Variants in FUT9 observed in about 807,000 individuals in gnomAD.
FUT9 encodes 4-galactosyl-N-acetylglucosaminide 3-alpha-L-fucosyltransferase 9.
In FUT9, 15 loss-of-function variants were observed where a neutral mutation model predicts 29.7. The observed-to-expected ratio is 0.51, with a 90% CI of 0.34 to 0.78. FUT9 has a LOEUF of 0.78. Ranked by LOEUF, FUT9 falls within the 30% of genes least tolerant of loss-of-function variation. FUT9 has a pLI of 0.01. For synonymous variants in FUT9, 169 were observed against 153.7 expected (o/e 1.10, Z -0.74); for missense variants, 319 against 425.4 (o/e 0.75, Z 2.20).
intron 1 of FUT9, among the ~76,000 whole-genome samples, chr6:96,106,531 A>G (rs1771689474): frequency 1.3e-5 from 2 of 152,112 alleles, no homozygotes; most frequent in Non-Finnish European, 2.9e-5. Flanking sequence ...ACTGTTATAC[A>G]ATCTTTGGCT....
In FUT9 at chr6:96,213,662, T is replaced by G. The variant is rs1193288837; in HGVS notation, c.*9427T>G. 1 of 166,884 alleles carries G rather than the reference T, an allele frequency of 6.0e-6. No homozygotes were observed. The highest frequency in any genetic ancestry group is 1.9e-4 in the East Asian group (1 of 5,204). The allele number at this position is 166,884 out of a possible 1,614,324, so 10.3% of individuals were successfully genotyped here. On this transcript the variant is annotated 3_prime_UTR_variant, in exon 3 of 3. Coordinates refer to ENST00000302103, the MANE Select transcript of FUT9 (RefSeq NM_006581.4). ...TATTGCGATGCAGACCCAATAGGGT[T>G]ATTTTAAGCACACTAATTAGTCATC...
chr6:96,107,970 G>A (rs183613439), intron 1 of FUT9, among the ~76,000 whole-genome samples: 297 of 148,822 alleles, frequency 2.0e-3, no homozygotes, highest in African/African-American at 6.4e-3. Context: ...AATCATGCAC[G>A]TCTCTCATGG....
At chr6:96,101,222 G>A (rs991654797) in intron 1 of FUT9, among the ~76,000 whole-genome samples, 1 of 152,146 alleles carries the variant, frequency 6.6e-6, no homozygotes, top group Non-Finnish European at 1.5e-5. Flanking sequence ...CAAGAATAAT[G>A]TTTGAGGGAA....
intron 2 of FUT9, among the ~76,000 whole-genome samples, chr6:96,155,925 C>T (rs1156288920): frequency 1.3e-5 from 2 of 152,134 alleles, no homozygotes; most frequent in Non-Finnish European, 2.9e-5. Context: ...TATGGCATCC[C>T]TAGCAAACTA....
In FUT9 at chr6:96,101,930, T is replaced by C. The variant is rs550272970; in HGVS notation, c.-97-12109T>C. 3.9e-5 allele frequency among the ~76,000 whole-genome samples: 6 copies of C among 152,238 alleles called. No individual in the cohort carries two copies. In the East Asian group the frequency reaches 1.2e-3, roughly 29 times the overall value. ...GAATTTATATCATTTTATCCTATGA[T>C]TATTAGAATATGTTTATATATGAAG... is the stretch of plus-strand genomic sequence containing the variant. On this transcript the variant is annotated intron_variant, in intron 1 of 2. Coordinates refer to ENST00000302103, the MANE Select transcript of FUT9 (RefSeq NM_006581.4).
intron 1 of FUT9, among the ~76,000 whole-genome samples, chr6:96,030,621 C>G (rs1770245342): frequency 6.6e-6 from 1 of 151,476 alleles, no homozygotes; most frequent in Non-Finnish European, 1.5e-5. Context: ...AATACAATTT[C>G]TAGGTATTTA....
chr6:96,121,219 C>A (rs1401355009), intron 2 of FUT9, among the ~76,000 whole-genome samples: 1 of 152,136 alleles, frequency 6.6e-6, no homozygotes, highest in African/African-American at 2.4e-5. Context: ...ACTTTAAATT[C>A]TTTTCTCTTC....
chr6:96,077,550 C>G (rs1771159643), intron 1 of FUT9, among the ~76,000 whole-genome samples: 1 of 152,084 alleles, frequency 6.6e-6, no homozygotes, highest in Admixed American at 6.5e-5. Context: ...CTTGTAAAAT[C>G]TCCTGCTGGA....
intron 2 of FUT9, among the ~76,000 whole-genome samples, chr6:96,125,331 C>T (rs948326188): frequency 6.6e-6 from 1 of 152,168 alleles, no homozygotes; most frequent in African/African-American, 2.4e-5. Context: ...TCTTATGAGG[C>T]AAGTCAGTTT....
In FUT9 at chr6:96,046,645, A is replaced by C. The variant is rs902353707; in HGVS notation, c.-98+30433A>C. On this transcript the variant is annotated intron_variant, in intron 1 of 2. Transcript: ENST00000302103. ...ACTTGTGTATTTCATGCCCCTTCCC[A>C]CATGTGAACATACAAGCTTTGTAAG... Among the ~76,000 whole-genome samples, 7 of 152,066 alleles carry C rather than the reference A, an allele frequency of 4.6e-5. No homozygotes were observed. In the South Asian group the frequency reaches 1.3e-3, roughly 27 times the overall value.
At chr6:96,194,249 G>A (rs528847215) in intron 2 of FUT9, among the ~76,000 whole-genome samples, 14 of 152,106 alleles carry the variant, frequency 9.2e-5, no homozygotes, top group South Asian at 2.1e-4. Flanking sequence ...TGGAGGGCTC[G>A]CCAAAGCATG....
chr6:96,073,716 C>T (rs576373613), intron 1 of FUT9, among the ~76,000 whole-genome samples: 3 of 152,148 alleles, frequency 2.0e-5, no homozygotes, highest in South Asian at 4.1e-4. Context: ...ACATTAAAGG[C>T]GCGAGATGCT....
At chr6:96,123,242 G>C (rs1197606471) in intron 2 of FUT9, among the ~76,000 whole-genome samples, 1 of 152,140 alleles carries the variant, frequency 6.6e-6, no homozygotes, top group East Asian at 1.9e-4. Flanking sequence ...GCTGTTGAAC[G>C]AATTACTAAC....
rs1459004225 is a variant in FUT9 at position 96,209,166 on chromosome 6, C to G, written c.*4931C>G. ...CTGGACCTTGTTTGTAAGCTTTCTT[C>G]TAGCACTATTACTCTTATCTAAGAT... On this transcript the variant is annotated 3_prime_UTR_variant, in exon 3 of 3. Transcript: ENST00000302103. 1 of 166,870 alleles carries G rather than the reference C, an allele frequency of 6.0e-6. No homozygotes were observed. The highest frequency in any genetic ancestry group is 2.4e-5 in the African/African-American group (1 of 41,430). The allele number at this position is 166,870 out of a possible 1,614,324, so 10.3% of individuals were successfully genotyped here.
At chr6:96,046,319 G>A (rs2493347) in intron 1 of FUT9, among the ~76,000 whole-genome samples, 96,770 of 151,784 alleles carry the variant, frequency 0.64, 31,110 homozygotes, top group African/African-American at 0.72. Flanking sequence ...ATTCTTTTCT[G>A]TTCTATTTCA....
chr6:96,141,861 C>G lies in FUT9; in HGVS notation c.-9+27734C>G, dbSNP rs77354250. Among the ~76,000 whole-genome samples the G allele has an allele frequency of 6.8e-4, 104 of 152,288 alleles. 1 individual carries two copies. The highest frequency in any genetic ancestry group is 2.5e-3 in the African/African-American group (103 of 41,566). Reference sequence around the variant, plus strand: ...TGAGATTTTCCTAGCTAAGGTTTGCCTACTTTTCTTGACTACAGTTTAAAA... The same window carrying G: ...TGAGATTTTCCTAGCTAAGGTTTGCGTACTTTTCTTGACTACAGTTTAAAA... On this transcript the variant is annotated intron_variant, in intron 2 of 2. Coordinates refer to ENST00000302103, the MANE Select transcript of FUT9 (RefSeq NM_006581.4).
chr6:96,026,845 G>A lies in FUT9; in HGVS notation c.-98+10633G>A, dbSNP rs115118983. Among the ~76,000 whole-genome samples the A allele has an allele frequency of 2.5e-3, 376 of 151,552 alleles. 1 individual carries two copies. Among genetic ancestry groups the A allele is most frequent in the African/African-American group, 7.9e-3 (328 of 41,414 alleles). On this transcript the variant is annotated intron_variant, in intron 1 of 2. Coordinates refer to ENST00000302103, the MANE Select transcript of FUT9 (RefSeq NM_006581.4). ...TGGCCTTATATATTTATGTTTCCCT[G>A]ACTGGATTACTCTGAAATTAAAACT...
chr6:96,081,057 C>G (rs1771228527), intron 1 of FUT9, among the ~76,000 whole-genome samples: 1 of 151,844 alleles, frequency 6.6e-6, no homozygotes, highest in Admixed American at 6.6e-5. Flanking sequence ...TCTATTCTCT[C>G]CATCTCCATT....
chr6:96,189,928 T>C (rs569173789), intron 2 of FUT9, among the ~76,000 whole-genome samples: 8 of 152,326 alleles, frequency 5.3e-5, no homozygotes, highest in African/African-American at 1.7e-4. Context: ...TATTGTTATG[T>C]GTAAATTTGA....
Sources: allele counts gnomAD v4.1 joint callset (sites outside exome capture counted in the v4.1 genomes callset), GRCh38; gene constraint gnomAD v4.1.1; transcripts MANE v1.5; gene names NCBI Gene and HGNC (gene_info 2026-07-23, HGNC 2026-07-21).